The following PLSCR1 variants were observed in gnomAD, a reference collection of about 807,000 sequenced individuals.
PLSCR1 encodes the protein PL scramblase 1.
In PLSCR1, 17 loss-of-function variants were observed where a neutral mutation model predicts 37.8. The observed-to-expected ratio is 0.45, with a 90% CI of 0.31 to 0.68. The LOEUF (loss-of-function observed/expected upper bound fraction) is 0.68, where lower values mean the gene tolerates loss of function less well. Ranked by LOEUF, PLSCR1 falls within the 30% of genes least tolerant of loss-of-function variation. The pLI is 0.06. For missense variants in PLSCR1, 347 were observed against 380.9 expected (o/e 0.91, Z 0.74); for synonymous variants, 116 against 125.9 (o/e 0.92, Z 0.53).
chr3:146,516,991 T>A lies in PLSCR1; in HGVS notation c.900+15A>T. On this transcript the variant is annotated intron_variant, in intron 8 of 8. Coordinates refer to ENST00000342435, the MANE Select transcript of PLSCR1 (RefSeq NM_021105.3). ...AGAAAGCATCTATAATCAAGATTAA[T>A]AAGAACAGACTTACAATGAGGAAAC... is the stretch of plus-strand genomic sequence containing the variant. 3 of 1,499,906 alleles carry A rather than the reference T, an allele frequency of 2.0e-6. No individual in the cohort carries two copies. In the South Asian group the frequency reaches 3.8e-5, roughly 19 times the overall value. 92.9% of individuals were successfully genotyped at this position (1,499,906 alleles called of 1,614,324 possible).
chr3:146,531,840 T>C (rs2044203058), intron 3 of PLSCR1, among the ~76,000 whole-genome samples: 1 of 152,164 alleles, frequency 6.6e-6, no homozygotes, highest in African/African-American at 2.4e-5. Flanking sequence ...AGGCAGAACC[T>C]GGTTTACCAG....
Position 146,521,855 on chromosome 3 carries a change from C to T in PLSCR1, c.554G>A (p.Cys185Tyr), listed in dbSNP as rs1357342865. ...LERPLRCSSC[C>Y]CPCCLQEIEI... ...GACCTCCTGAAGGCAGCAGGGACAACAACAGCTGCTACATCTTAGTGGTCT... is the reference window on the plus strand; with the variant it reads ...GACCTCCTGAAGGCAGCAGGGACAATAACAGCTGCTACATCTTAGTGGTCT... The change falls in exon 6 of 9, where the codon TGT becomes TAT. Residue 185 changes from cysteine (C) to tyrosine (Y), a missense_variant. Transcript: ENST00000342435. 1.9e-6 allele frequency: 3 copies of T among 1,613,068 alleles called. No individual in the cohort carries two copies. The South Asian group carries it at 3.3e-5, about 18-fold the overall frequency.
intron 8 of PLSCR1, chr3:146,516,770 C>A: frequency 3.0e-6 from 1 of 337,986 alleles, no homozygotes; most frequent in Non-Finnish European, 5.3e-6. Context: ...CTTAGTACAT[C>A]TCCTTAGTCC....
rs145254770 is a variant in PLSCR1 at position 146,528,780 on chromosome 3, G to A, written c.146C>T (p.Pro49Leu). 6.2e-7 allele frequency: 1 copy of A among 1,614,166 alleles called. No individual in the cohort carries two copies. Among genetic ancestry groups the A allele is most frequent in the Non-Finnish European group, 8.5e-7 (1 of 1,180,004 alleles). ...GCCAGGACCTGAATGGCCGGCTGGTGGGGGTGGGTAGCTGACCTGGGGCCC... is the reference window on the plus strand; with the variant it reads ...GCCAGGACCTGAATGGCCGGCTGGTAGGGGTGGGTAGCTGACCTGGGGCCC... ...YPGPQVSYPP[P>L]PAGHSGPGPA... Residue 49 changes from proline (P) to leucine (L), a missense_variant, in exon 4 of 9, where the codon CCA becomes CTA. Transcript: ENST00000342435.
intron 1 of PLSCR1, among the ~76,000 whole-genome samples, chr3:146,538,753 GA>G (rs200665568): frequency 7.9e-5 from 12 of 151,554 alleles, no homozygotes; most frequent in East Asian, 5.8e-4. Flanking sequence ...CTACTCAACT[GA>G]AAAAAATTCA....
Position 146,521,574 on chromosome 3 carries a change from C to T in PLSCR1, c.708G>A (p.Val236=). The change falls in exon 7 of 9, where the codon GTG becomes GTA. Residue 236 remains valine, a synonymous_variant. Coordinates refer to ENST00000342435, the MANE Select transcript of PLSCR1 (RefSeq NM_021105.3). ...AATCAACATCTCCACAACAGCTGCA[C>T]ACAACACATGGACCACTTATTTTTA... ...DVLKISGPCV[V]CSCCGDVDFE... The T allele has an allele frequency of 6.2e-7, 1 of 1,613,946 alleles. No homozygotes were observed. The highest frequency in any genetic ancestry group is 1.1e-5 in the South Asian group (1 of 91,072).
chr3:146,536,220 T>A (rs982172074), intron 2 of PLSCR1, among the ~76,000 whole-genome samples: 1 of 152,212 alleles, frequency 6.6e-6, no homozygotes, highest in African/African-American at 2.4e-5. Flanking sequence ...ACTTGAATAA[T>A]CTTTATACAT....
intron 3 of PLSCR1, among the ~76,000 whole-genome samples, chr3:146,531,192 C>T (rs981542771): frequency 3.3e-5 from 5 of 152,140 alleles, no homozygotes; most frequent in African/African-American, 1.2e-4. Context: ...AGGCCAGAGT[C>T]ACAGAAAGAA....
rs1174711682 is a variant in PLSCR1 at position 146,526,896 on chromosome 3, T to C, written c.313-1249A>G. 3.9e-5 allele frequency among the ~76,000 whole-genome samples: 6 copies of C among 152,150 alleles called. No homozygotes were observed. The East Asian group carries it at 1.2e-3, about 29-fold the overall frequency. The stretch of plus-strand genomic sequence containing the variant: ...GTGGTTCACGACTGTAATCCCAGCA[T>C]TTTGGGAGGCCAAGGCAGGCGGATC... On this transcript the variant is annotated intron_variant, in intron 4 of 8. Coordinates refer to ENST00000342435, the MANE Select transcript of PLSCR1 (RefSeq NM_021105.3).
Position 146,525,657 on chromosome 3 carries a change from G to GA in PLSCR1, c.313-11dup, listed in dbSNP as rs758320939. On this transcript the variant is annotated splice_polypyrimidine_tract_variant and intron_variant, in intron 4 of 8. Transcript: ENST00000342435. ...TCAGTATCTGATCTATCTATAGCAG[G>GA]AAAAAAAATAAGTGGTATGTATATG... 178 of 1,418,660 alleles carry GA rather than the reference G, an allele frequency of 1.3e-4. No homozygotes were observed. Among genetic ancestry groups the GA allele is most frequent in the Non-Finnish European group, 1.5e-4 (152 of 1,020,210 alleles). 87.9% of individuals were successfully genotyped at this position (1,418,660 alleles called of 1,614,324 possible).
intron 1 of PLSCR1, among the ~76,000 whole-genome samples, chr3:146,543,342 T>C (rs146880376): frequency 3.3e-5 from 5 of 152,268 alleles, no homozygotes; most frequent in Middle Eastern, 3.4e-3. Flanking sequence ...CACTTTTCTA[T>C]CCAATTGCAT....
intron 4 of PLSCR1, among the ~76,000 whole-genome samples, chr3:146,527,081 G>A (rs569658707): frequency 1.5e-4 from 23 of 152,250 alleles, no homozygotes; most frequent in African/African-American, 5.5e-4. Context: ...AGGTTGCAGT[G>A]AGCCGAGATC....
At chr3:146,529,175 T>C (rs2044161125) in intron 3 of PLSCR1, among the ~76,000 whole-genome samples, 1 of 152,146 alleles carries the variant, frequency 6.6e-6, no homozygotes. Flanking sequence ...AAACACGTCA[T>C]TGGTAGAAGG....
At chr3:146,527,323 G>C (rs531236289) in intron 4 of PLSCR1, among the ~76,000 whole-genome samples, 1 of 152,312 alleles carries the variant, frequency 6.6e-6, no homozygotes, top group African/African-American at 2.4e-5. Context: ...CAAATAGCTA[G>C]AAGAGAGGAT....
chr3:146,533,375 A>G, intron 3 of PLSCR1, 95 bp downstream of exon 3: 3 of 591,750 alleles, frequency 5.1e-6, no homozygotes, highest in Admixed American at 5.2e-5. Flanking sequence ...CAAATGCACA[A>G]TTCTCTCTCT....
intron 2 of PLSCR1, 92 bp downstream of exon 2, chr3:146,536,448 C>G: frequency 1.3e-6 from 1 of 764,496 alleles, no homozygotes; most frequent in Non-Finnish European, 2.3e-6. Flanking sequence ...TATACACTTT[C>G]AGACACTGAA....
chr3:146,539,768 A>G (rs2044313139), intron 1 of PLSCR1, among the ~76,000 whole-genome samples: 1 of 152,152 alleles, frequency 6.6e-6, no homozygotes, highest in Non-Finnish European at 1.5e-5. Flanking sequence ...TTGCTTTACT[A>G]TAGGTTTTAG....
Position 146,528,917 on chromosome 3 carries a change from G to C in PLSCR1, c.95-86C>G. On this transcript the variant is annotated intron_variant, in intron 3 of 8. Transcript: ENST00000342435. Reference sequence around the variant, plus strand: ...TTAGGGTTATGCCATCTATCTATAAGTTGACATTTCAGCGTAGACATCTGT... The same window carrying C: ...TTAGGGTTATGCCATCTATCTATAACTTGACATTTCAGCGTAGACATCTGT... 4 of 928,152 alleles carry C rather than the reference G, an allele frequency of 4.3e-6. No homozygotes were observed. In the East Asian group the frequency reaches 1.0e-4, roughly 24 times the overall value. The allele number at this position is 928,152 out of a possible 1,614,324, so 57.5% of individuals were successfully genotyped here. A position where few individuals can be genotyped will look rare whatever the true frequency, so the allele number is the denominator to read the frequency against.
At chr3:146,540,506 G>T (rs989033373) in intron 1 of PLSCR1, among the ~76,000 whole-genome samples, 1 of 152,046 alleles carries the variant, frequency 6.6e-6, no homozygotes, top group Admixed American at 6.5e-5. Context: ...TTATCTTACT[G>T]CTTTCAAAAA....
Sources: allele counts gnomAD v4.1 joint callset (sites outside exome capture counted in the v4.1 genomes callset), GRCh38; gene constraint gnomAD v4.1.1; transcripts MANE v1.5; gene names NCBI Gene and HGNC (gene_info 2026-07-23, HGNC 2026-07-21).